TRIP12: variants seen among roughly 807,000 people sequenced by gnomAD.
TRIP12 encodes E3 ubiquitin-protein ligase TRIP12.
A neutral mutation model predicts 244.2 loss-of-function variants in TRIP12; 25 were observed. That is an observed-to-expected ratio of 0.10 (90% CI 0.07 to 0.14). The LOEUF (loss-of-function observed/expected upper bound fraction) is 0.14, where lower values mean the gene tolerates loss of function less well. Among genes scored for constraint, TRIP12 ranks in the 10% least tolerant of loss-of-function variants. TRIP12 has a pLI of 1.00. For synonymous variants in TRIP12, 905 were observed against 873.1 expected (o/e 1.04, Z -0.64); for missense variants, 1,677 against 2,486.4 (o/e 0.67, Z 6.92).
At chr2:229,810,614 A>T (rs2047029045) in intron 15 of TRIP12, among the ~76,000 whole-genome samples, 2 of 152,226 alleles carry the variant, frequency 1.3e-5, no homozygotes, top group South Asian at 4.1e-4. Flanking sequence ...TGGTTACATG[A>T]CTAACATGGC....
chr2:229,884,875 G>C (rs542182680), intron 1 of TRIP12, among the ~76,000 whole-genome samples: 1 of 152,164 alleles, frequency 6.6e-6, no homozygotes. Context: ...GAAGGCTGAG[G>C]TGGAAGATTA....
chr2:229,802,017 T>C (rs1289758803), intron 21 of TRIP12, among the ~76,000 whole-genome samples: 1 of 152,186 alleles, frequency 6.6e-6, no homozygotes, highest in Non-Finnish European at 1.5e-5. Flanking sequence ...TCTCTGAACT[T>C]TAGTTTCCTT....
chr2:229,852,638 T>A (rs910373677), intron 4 of TRIP12, among the ~76,000 whole-genome samples: 1 of 152,170 alleles, frequency 6.6e-6, no homozygotes, highest in Non-Finnish European at 1.5e-5. Flanking sequence ...AGGAGACTTT[T>A]ACCAAGTAAC....
At chr2:229,906,685 A>C (rs2072922530) in intron 1 of TRIP12, among the ~76,000 whole-genome samples, 1 of 150,546 alleles carries the variant, frequency 6.6e-6, no homozygotes, top group Admixed American at 6.7e-5. Context: ...ACACCACTGC[A>C]CTCCAACCTG....
chr2:229,885,776 A>G (rs532095411), intron 1 of TRIP12, among the ~76,000 whole-genome samples: 1 of 152,244 alleles, frequency 6.6e-6, no homozygotes, highest in South Asian at 2.1e-4. Context: ...CAATGACAAG[A>G]CAATCCCTCC....
chr2:229,888,356 A>G (rs1351247845), intron 1 of TRIP12, among the ~76,000 whole-genome samples: 1 of 152,224 alleles, frequency 6.6e-6, no homozygotes, highest in Non-Finnish European at 1.5e-5. Context: ...AAGGTAATCA[A>G]TAAGATTCTA....
At chr2:229,849,851 A>C (rs1030817211) in intron 4 of TRIP12, among the ~76,000 whole-genome samples, 3 of 152,178 alleles carry the variant, frequency 2.0e-5, no homozygotes, top group Non-Finnish European at 2.9e-5. Context: ...AAGAAGAAAA[A>C]AAAGGTCTTA....
intron 1 of TRIP12, among the ~76,000 whole-genome samples, chr2:229,888,092 A>G (rs1340655188): frequency 6.6e-6 from 1 of 152,216 alleles, no homozygotes; most frequent in Non-Finnish European, 1.5e-5. Flanking sequence ...TATCTTTGCT[A>G]TTTACATTCT....
At chr2:229,800,266 C>G (rs1489262013) in intron 21 of TRIP12, among the ~76,000 whole-genome samples, 2 of 152,044 alleles carry the variant, frequency 1.3e-5, no homozygotes, top group East Asian at 3.8e-4. Flanking sequence ...ATATACAAAT[C>G]TAGTGAGTAG....
chr2:229,778,540 C>T lies in TRIP12; in HGVS notation c.5257G>A (p.Ala1753Thr). ...KYIQNLQGLF[A>T]LPFGRTAKPA... ...TTTGCTGTCCTACCAAAGGGAAGCG[C>T]AAACAGGCCCTGGAGGTTTTGAATA... is the stretch of plus-strand genomic sequence containing the variant. The change falls in exon 36 of 42, where the codon GCG (alanine) becomes ACG (threonine). Residue 1753 changes from alanine (A) to threonine (T), a missense_variant. By Grantham distance (58) the Ala-to-Thr change is moderately conservative (BLOSUM62 0). Transcript: ENST00000675903. This position sits in a 1 kb window ranked among gnomAD's most constrained non-coding sequence, Gnocchi z 4.1. The T allele has an allele frequency of 6.2e-7, 1 of 1,614,056 alleles. No homozygotes were observed. Among genetic ancestry groups the T allele is most frequent in the Non-Finnish European group, 8.5e-7 (1 of 1,179,940 alleles).
Position 229,766,495 on chromosome 2 carries a change from T to C in TRIP12, c.*1059A>G, listed in dbSNP as rs2031781874. 6.6e-6 allele frequency: 1 copy of C among 152,148 alleles called. No individual in the cohort carries two copies. Among genetic ancestry groups the C allele is most frequent in the Non-Finnish European group, 1.5e-5 (1 of 68,038 alleles). 9.4% of individuals were successfully genotyped at this position (152,148 alleles called of 1,614,324 possible). A position where few individuals can be genotyped will look rare whatever the true frequency, so the allele number is the denominator to read the frequency against. On this transcript the variant is annotated 3_prime_UTR_variant, in exon 42 of 42. Transcript: ENST00000675903. ...AGCATTGCTTACAGGTGCTTTTATC[T>C]GCGTCGAGACAAAGGCTGAACTGTT...
chr2:229,891,463 A>G (rs958838635), intron 1 of TRIP12, among the ~76,000 whole-genome samples: 2 of 151,092 alleles, frequency 1.3e-5, no homozygotes, highest in Non-Finnish European at 3.0e-5. Flanking sequence ...GTGTGGTGAC[A>G]TGCACATCTA....
chr2:229,820,595 ATAT>A (rs1487077853), intron 8 of TRIP12, among the ~76,000 whole-genome samples: 12 of 152,326 alleles, frequency 7.9e-5, no homozygotes, highest in Non-Finnish European at 1.6e-4. Context: ...AACTCATTAT[ATAT>A]TAATATAAAT....
At chr2:229,845,768 G>A (rs551296762) in intron 4 of TRIP12, among the ~76,000 whole-genome samples, 2 of 152,192 alleles carry the variant, frequency 1.3e-5, no homozygotes, top group African/African-American at 2.4e-5. Context: ...GCTCACATCT[G>A]TAAGCCCAGC....
At position 229,818,369 on chromosome 2, in the gene TRIP12, C is replaced by G. The variant is rs2049038812; in HGVS notation, c.1594G>C (p.Ala532Pro). 1.9e-6 allele frequency: 3 copies of G among 1,613,488 alleles called. No homozygotes were observed. The highest frequency in any genetic ancestry group is 2.5e-6 in the Non-Finnish European group (3 of 1,179,826). The change falls in exon 9 of 42, where the codon GCT (alanine) becomes CCT (proline). Residue 532 changes from alanine (A) to proline (P), a missense_variant. Coordinates refer to ENST00000675903, the MANE Select transcript of TRIP12 (RefSeq NM_001348323.3). ...GGFPVKSVVP[A>P]LITLLQMEHN... ...GGGAAAAACATTATGCTTACCAAAGCTGGAACAACACTCTTGACAGGAAAC... is the reference window on the plus strand; with the variant it reads ...GGGAAAAACATTATGCTTACCAAAGGTGGAACAACACTCTTGACAGGAAAC...
Position 229,767,458 on chromosome 2 carries a change from G to GT in TRIP12, c.*95dup. 1 of 1,414,580 alleles carries GT rather than the reference G, an allele frequency of 7.1e-7. No homozygotes were observed. Among genetic ancestry groups the GT allele is most frequent in the Non-Finnish European group, 9.4e-7 (1 of 1,065,126 alleles). The allele number at this position is 1,414,580 out of a possible 1,614,324, so 87.6% of individuals were successfully genotyped here. A position where few individuals can be genotyped will look rare whatever the true frequency, so the allele number is the denominator to read the frequency against. ...GCCGTTTTTCCTACAACAAGAAGGC[G>GT]TAACATGTTTCCTTGACTCAGGTGA... is the stretch of plus-strand genomic sequence containing the variant. On this transcript the variant is annotated 3_prime_UTR_variant, in exon 42 of 42. Transcript: ENST00000675903.
intron 34 of TRIP12, among the ~76,000 whole-genome samples, chr2:229,784,303 C>T (rs985857178): frequency 2.6e-5 from 4 of 151,036 alleles, no homozygotes; most frequent in African/African-American, 4.8e-5. Flanking sequence ...GGAAAAAGAA[C>T]GGTCTTTTCA....
chr2:229,909,278 A>C (rs943309880), intron 1 of TRIP12, among the ~76,000 whole-genome samples: 1 of 151,318 alleles, frequency 6.6e-6, no homozygotes, highest in Non-Finnish European at 1.5e-5. Context: ...AGGAGTGGTG[A>C]CTCATGCCTG....
chr2:229,819,472 G>C (rs2049425099), intron 8 of TRIP12, among the ~76,000 whole-genome samples: 3 of 152,180 alleles, frequency 2.0e-5, no homozygotes, highest in African/African-American at 2.4e-5. Context: ...TTGAACCTGA[G>C]AGGCAGAGGT....
Sources: gnomAD v4.1 joint callset for allele counts (sites outside exome capture counted in the v4.1 genomes callset) on GRCh38, gnomAD v4.1.1 for gene constraint, Gnocchi (gnomAD v3.1) non-coding constraint, MANE v1.5 for transcripts, NCBI Gene and HGNC (gene_info 2026-07-23, HGNC 2026-07-21) for gene names.